Variants in THSD7A observed in about 807,000 individuals in gnomAD.
THSD7A encodes the protein thrombospondin type 1 domain containing 7A.
THSD7A carries 96 observed loss-of-function variants against 231.3 expected under a neutral mutation model. The ratio of observed to expected loss-of-function variants is 0.41; its 90% CI spans 0.35 to 0.49. The LOEUF is 0.49. Ranked by LOEUF, THSD7A falls within the 20% of genes least tolerant of loss-of-function variation. The pLI is 0.05. For missense variants in THSD7A, 2,290 were observed against 2,070.2 expected (o/e 1.11, Z -2.06); for synonymous variants, 940 against 743.3 (o/e 1.26, Z -4.30).
chr7:11,498,239 G>A (rs1787186207), intron 6 of THSD7A, among the ~76,000 whole-genome samples: 1 of 152,176 alleles, frequency 6.6e-6, no homozygotes, highest in Non-Finnish European at 1.5e-5. Context: ...CCCTAAGAAG[G>A]AGCTCTCAGA....
At chr7:11,508,912 G>A (rs1479007944) in intron 6 of THSD7A, among the ~76,000 whole-genome samples, 2 of 152,174 alleles carry the variant, frequency 1.3e-5, no homozygotes, top group African/African-American at 4.8e-5. Flanking sequence ...GAATCAAAGA[G>A]TAGAATGGTA....
intron 1 of THSD7A, among the ~76,000 whole-genome samples, chr7:11,722,899 C>T (rs1781408951): frequency 6.6e-6 from 1 of 151,930 alleles, no homozygotes; most frequent in African/African-American, 2.4e-5. Flanking sequence ...CTAATTCAAC[C>T]ATTGTGGAAG....
At chr7:11,557,630 G>T (rs771359803) in intron 4 of THSD7A, among the ~76,000 whole-genome samples, 1 of 152,056 alleles carries the variant, frequency 6.6e-6, no homozygotes, top group Non-Finnish European at 1.5e-5. Context: ...AATGGCAAAA[G>T]GGTGTATGTA....
rs1554326843 is a variant in THSD7A, at chr7:11,509,821, C to CAAAAAAAAAAAATAAAA, written c.1823-27840_1823-27839insTTTTATTTTTTTTTTTT. Among the ~76,000 whole-genome samples the CAAAAAAAAAAAATAAAA allele has an allele frequency of 1.0e-4, 4 of 39,972 alleles. 1 individual carries two copies. The highest frequency in any genetic ancestry group is 2.9e-4 in the African/African-American group (4 of 13,950). 26.2% of individuals were successfully genotyped at this position (39,972 alleles called of 152,430 possible). The stretch of plus-strand genomic sequence containing the variant: ...TGGGCGACAGAGCCAGAGTCCGTCT[C>CAAAAAAAAAAAATAAAA]AAAAAAAAAAAAAAATAACATCTGA... On this transcript the variant is annotated intron_variant, in intron 6 of 27. Coordinates refer to ENST00000423059, the MANE Select transcript of THSD7A (RefSeq NM_015204.3).
At chr7:11,398,472 A>T (rs1328366154) in intron 23 of THSD7A, among the ~76,000 whole-genome samples, 1 of 152,144 alleles carries the variant, frequency 6.6e-6, no homozygotes, top group African/African-American at 2.4e-5. Context: ...GCAGCAAATC[A>T]CCATGGCATG....
At chr7:11,453,414 C>T (rs1217798054) in intron 11 of THSD7A, among the ~76,000 whole-genome samples, 1 of 151,464 alleles carries the variant, frequency 6.6e-6, no homozygotes, top group African/African-American at 2.4e-5. Context: ...AGGAGGACCT[C>T]TCCTATGCAA....
intron 6 of THSD7A, among the ~76,000 whole-genome samples, chr7:11,524,825 T>G (rs542108204): frequency 2.0e-5 from 3 of 152,198 alleles, no homozygotes; most frequent in African/African-American, 7.2e-5. Flanking sequence ...ATATGGTTAA[T>G]GTATACTCCA....
chr7:11,772,854 C>A (rs1783278608), intron 1 of THSD7A, among the ~76,000 whole-genome samples: 1 of 152,062 alleles, frequency 6.6e-6, no homozygotes, highest in South Asian at 2.1e-4. Context: ...TGCAACCCCT[C>A]AATCTAAAAT....
At chr7:11,465,376 A>C (rs1002848205) in intron 9 of THSD7A, among the ~76,000 whole-genome samples, 7 of 152,176 alleles carry the variant, frequency 4.6e-5, no homozygotes, top group African/African-American at 1.7e-4. Context: ...GTTTGTGCTT[A>C]AAAATGCCTA....
intron 6 of THSD7A, among the ~76,000 whole-genome samples, chr7:11,515,888 C>G (rs936742698): frequency 3.3e-5 from 5 of 152,124 alleles, no homozygotes; most frequent in Non-Finnish European, 5.9e-5. Flanking sequence ...TGAGTTGTGA[C>G]TTCATAACTG....
In THSD7A at chr7:11,406,465, A is replaced by C; in HGVS notation, c.4072T>G (p.Cys1358Gly). 6.2e-7 allele frequency: 1 copy of C among 1,608,184 alleles called. No individual in the cohort carries two copies. Among genetic ancestry groups the C allele is most frequent in the Non-Finnish European group, 8.5e-7 (1 of 1,178,172 alleles). Reference protein sequence around the residue: ...WSPCQVQEAQCGEGTRTRNIS... With the variant: ...WSPCQVQEAQGGEGTRTRNIS... ...TTCCTTGTTCTGGTCCCTTCTCCAC[A>C]CTGGGCCTCCTGGAATGGAGGAAGA... Residue 1358 changes from cysteine to glycine, a missense_variant, in exon 22 of 28, where the codon TGT becomes GGT. Coordinates refer to ENST00000423059, the MANE Select transcript of THSD7A (RefSeq NM_015204.3). The surrounding 1 kb of genome is among the most constrained non-coding windows in gnomAD (Gnocchi z 4.7).
chr7:11,577,444 G>A (rs149973928), intron 4 of THSD7A, among the ~76,000 whole-genome samples: 31,794 of 151,824 alleles, frequency 0.21, 3,458 homozygotes, highest in Middle Eastern at 0.34. Flanking sequence ...AGTCTCCTGA[G>A]TATCTGGGAC....
At chr7:11,427,767 A>G (rs1461464406) in intron 14 of THSD7A, among the ~76,000 whole-genome samples, 2 of 152,156 alleles carry the variant, frequency 1.3e-5, no homozygotes, top group African/African-American at 4.8e-5. Context: ...TTGCAGTTAT[A>G]TAATTATAGT....
intron 1 of THSD7A, among the ~76,000 whole-genome samples, chr7:11,646,678 G>C (rs1469739896): frequency 6.6e-6 from 1 of 151,974 alleles, no homozygotes; most frequent in Non-Finnish European, 1.5e-5. Context: ...GATGCTAAGG[G>C]AGTCAAATAA....
intron 2 of THSD7A, among the ~76,000 whole-genome samples, chr7:11,597,407 G>T (rs765607275): frequency 6.6e-6 from 1 of 152,166 alleles, no homozygotes; most frequent in Non-Finnish European, 1.5e-5. Context: ...TTTGAGTGGG[G>T]TCCAGAACAG....
At chr7:11,400,541 A>G (rs1583671694) in intron 23 of THSD7A, among the ~76,000 whole-genome samples, 1 of 151,982 alleles carries the variant, frequency 6.6e-6, no homozygotes, top group Non-Finnish European at 1.5e-5. Flanking sequence ...TTTCCTTGTC[A>G]TTTTGGAGTG....
intron 1 of THSD7A, among the ~76,000 whole-genome samples, chr7:11,824,299 T>C (rs913904237): frequency 1.3e-5 from 2 of 152,008 alleles, no homozygotes; most frequent in African/African-American, 4.8e-5. Context: ...CTTCCAATAC[T>C]CTCTTCACAA....
chr7:11,797,504 C>T (rs1784160456), intron 1 of THSD7A, among the ~76,000 whole-genome samples: 1 of 149,836 alleles, frequency 6.7e-6, no homozygotes. Flanking sequence ...GTAGCCTTGA[C>T]CTCCTAGGTT....
chr7:11,774,487 T>TACACAC (rs71830837), intron 1 of THSD7A, among the ~76,000 whole-genome samples: 44 of 149,042 alleles, frequency 3.0e-4, no homozygotes, highest in East Asian at 1.8e-3. Flanking sequence ...TAAGCATTCT[T>TACACAC]ACACACACAC....
Sources: allele counts gnomAD v4.1 joint callset (sites outside exome capture counted in the v4.1 genomes callset), GRCh38; gene constraint gnomAD v4.1.1; non-coding constraint Gnocchi (gnomAD v3.1); transcripts MANE v1.5; gene names NCBI Gene and HGNC (gene_info 2026-07-23, HGNC 2026-07-21).